Variants in EIF4G3 observed in about 807,000 individuals in gnomAD.
EIF4G3 encodes eIF-4-gamma 3.
A neutral mutation model predicts 186.4 loss-of-function variants in EIF4G3; 34 were observed. The ratio of observed to expected loss-of-function variants is 0.18; its 90% CI spans 0.14 to 0.24. EIF4G3 has a LOEUF of 0.24. EIF4G3 is among the 10% of genes least tolerant of loss of function. The pLI is 1.00. For synonymous variants in EIF4G3, 673 were observed against 679.5 expected, an observed-to-expected ratio of 0.99 and a Z score of 0.15; for missense variants, 1,536 against 1,948.5, an observed-to-expected ratio of 0.79 and a Z score of 3.99.
intron 2 of EIF4G3, among the ~76,000 whole-genome samples, chr1:21,122,698 T>C (rs2096948075): frequency 6.6e-6 from 1 of 152,176 alleles, no homozygotes; most frequent in African/African-American, 2.4e-5. Context: ...CCCAAACCAA[T>C]AATATCGAGC....
chr1:21,143,285 GGA>G (rs1261564746), intron 2 of EIF4G3, among the ~76,000 whole-genome samples: 1 of 149,774 alleles, frequency 6.7e-6, no homozygotes, highest in Non-Finnish European at 1.5e-5. Context: ...GGAGGGGAGG[GGA>G]GAGAGAAAGA....
At chr1:21,093,077 A>G (rs938904001) in intron 2 of EIF4G3, among the ~76,000 whole-genome samples, 1 of 152,242 alleles carries the variant, frequency 6.6e-6, no homozygotes, top group Non-Finnish European at 1.5e-5. Flanking sequence ...AAGCAATGGC[A>G]ACAAAAGACA....
In EIF4G3 at chr1:20,909,108, C is replaced by T. The variant is rs1193442222; in HGVS notation, c.1664-4137G>A. 5.3e-5 allele frequency among the ~76,000 whole-genome samples: 8 copies of T among 151,524 alleles called. No homozygotes were observed. The South Asian group carries it at 6.2e-4, about 12-fold the overall frequency. ...TGGAGGTTGTAGTGAGCAGAGATCA[C>T]GCCACTGCACTCCAGCCTGGGCGAT... On this transcript the variant is annotated intron_variant, in intron 14 of 36. Coordinates refer to ENST00000602326, the MANE Select transcript of EIF4G3 (RefSeq NM_001391906.1).
intron 32 of EIF4G3, among the ~76,000 whole-genome samples, chr1:20,826,003 T>C (rs1398226491): frequency 6.6e-6 from 1 of 152,198 alleles, no homozygotes; most frequent in Non-Finnish European, 1.5e-5. Flanking sequence ...ATTAATTACT[T>C]CATAGAGTAA....
chr1:21,042,709 A>G (rs958011558), intron 4 of EIF4G3, among the ~76,000 whole-genome samples: 4 of 152,312 alleles, frequency 2.6e-5, no homozygotes, highest in African/African-American at 4.8e-5. Context: ...CTACTATGGT[A>G]CTTAACCTCT....
rs540666502 is a variant in EIF4G3 at position 21,109,177 on chromosome 1, C to T, written c.-271-19964G>A. On this transcript the variant is annotated intron_variant, in intron 2 of 36. Transcript: ENST00000602326. ...AGGTTGCAGTGAGCTGAGATCACAG[C>T]ACCGCACTCCAGCCTGGGCAACTGA... 2.0e-5 allele frequency among the ~76,000 whole-genome samples: 3 copies of T among 152,310 alleles called. No individual in the cohort carries two copies. The East Asian group carries it at 5.8e-4, about 29-fold the overall frequency.
intron 4 of EIF4G3, among the ~76,000 whole-genome samples, chr1:21,003,043 T>G (rs2083964599): frequency 6.6e-6 from 1 of 151,384 alleles, no homozygotes; most frequent in Non-Finnish European, 1.5e-5. Flanking sequence ...TCACCCGGGC[T>G]AGAGTGCAGT....
chr1:20,872,204 C>G (rs2079398467), intron 20 of EIF4G3, among the ~76,000 whole-genome samples: 1 of 152,066 alleles, frequency 6.6e-6, no homozygotes, highest in South Asian at 2.1e-4. Context: ...CTCACTGCAT[C>G]CTTGAACTCC....
intron 2 of EIF4G3, among the ~76,000 whole-genome samples, chr1:21,094,632 G>A (rs947786848): frequency 7.4e-6 from 1 of 135,550 alleles, no homozygotes; most frequent in Non-Finnish European, 1.6e-5. Context: ...GAGGTGGGGG[G>A]AGGGGGGAGG....
chr1:20,994,042 A>G (rs2081699422), intron 7 of EIF4G3, among the ~76,000 whole-genome samples: 1 of 152,226 alleles, frequency 6.6e-6, no homozygotes, highest in Admixed American at 6.5e-5. Context: ...TGTCATTTCC[A>G]TGGAGGGTAT....
intron 2 of EIF4G3, among the ~76,000 whole-genome samples, chr1:21,132,551 CA>C (rs1298700663): frequency 5.3e-5 from 8 of 152,060 alleles, no homozygotes; most frequent in African/African-American, 1.9e-4. Flanking sequence ...CCTCCCACCT[CA>C]GCCTCCCAAG....
intron 2 of EIF4G3, among the ~76,000 whole-genome samples, chr1:21,124,312 A>AC (rs1470923193): frequency 1.3e-5 from 2 of 151,850 alleles, no homozygotes; most frequent in Non-Finnish European, 2.9e-5. Flanking sequence ...TTCAAGGTGT[A>AC]GTACAAAGCT....
At chr1:20,967,025 T>C (rs116222767) in intron 12 of EIF4G3, among the ~76,000 whole-genome samples, 203 of 152,312 alleles carry the variant, frequency 1.3e-3, no homozygotes, top group African/African-American at 3.4e-3. Flanking sequence ...CCTTCATCTG[T>C]TGAAAGTGTA....
intron 4 of EIF4G3, among the ~76,000 whole-genome samples, chr1:21,010,313 G>A (rs1461307492): frequency 1.3e-5 from 2 of 151,630 alleles, no homozygotes; most frequent in African/African-American, 2.4e-5. Flanking sequence ...CCTGCTACTC[G>A]GGAGGCTGAG....
intron 4 of EIF4G3, among the ~76,000 whole-genome samples, chr1:21,013,364 T>C (rs894068322): frequency 2.0e-5 from 3 of 152,218 alleles, no homozygotes; most frequent in African/African-American, 7.2e-5. Context: ...TGTATATATG[T>C]ATGTATATTT....
intron 30 of EIF4G3, among the ~76,000 whole-genome samples, chr1:20,830,953 T>C (rs1190106680): frequency 6.6e-6 from 1 of 152,254 alleles, no homozygotes; most frequent in Non-Finnish European, 1.5e-5. Flanking sequence ...ACTGTCTTTA[T>C]GTCTTTGCAC....
intron 4 of EIF4G3, among the ~76,000 whole-genome samples, chr1:21,014,235 T>C (rs1038667369): frequency 6.6e-6 from 1 of 152,212 alleles, no homozygotes; most frequent in African/African-American, 2.4e-5. Context: ...ATAATTCAGC[T>C]GTTTTCAAGG....
At chr1:20,964,052 T>C (rs1054025457) in intron 12 of EIF4G3, among the ~76,000 whole-genome samples, 9 of 152,234 alleles carry the variant, frequency 5.9e-5, no homozygotes, top group Admixed American at 3.3e-4. Flanking sequence ...TGAAGACTAT[T>C]AGGCATAATA....
At chr1:21,146,571 G>C (rs764677309) in intron 2 of EIF4G3, among the ~76,000 whole-genome samples, 5 of 151,874 alleles carry the variant, frequency 3.3e-5, no homozygotes, top group Non-Finnish European at 5.9e-5. Flanking sequence ...GACCAGCCTA[G>C]CAACATGGCC....
Sources: allele counts gnomAD v4.1 joint callset (sites outside exome capture counted in the v4.1 genomes callset), GRCh38; gene constraint gnomAD v4.1.1; transcripts MANE v1.5; gene names NCBI Gene and HGNC (gene_info 2026-07-23, HGNC 2026-07-21).